Variants in EEFSEC observed in about 807,000 individuals in gnomAD.
The protein encoded by EEFSEC is selenocysteine-specific elongation factor.
In EEFSEC, 43 loss-of-function variants were observed where a neutral mutation model predicts 42.1. That is an observed-to-expected ratio of 1.02 (90% CI 0.80 to 1.32). The LOEUF is 1.32. Ranked by LOEUF, EEFSEC falls within the 40% of genes most tolerant of loss-of-function variation. EEFSEC has a pLI of 0.00. For synonymous variants in EEFSEC, 354 were observed against 339.1 expected, an observed-to-expected ratio of 1.04 and a Z score of -0.48; for missense variants, 745 against 803.6, an observed-to-expected ratio of 0.93 and a Z score of 0.88.
At chr3:128,411,552 G>A (rs556445089), downstream of EEFSEC, among the ~76,000 whole-genome samples, 2 of 152,310 alleles carry the variant, frequency 1.3e-5, no homozygotes, top group East Asian at 3.9e-4. Context: ...TGGGTGGGGT[G>A]GGGCATGGGG....
At chr3:128,210,798 A>G (rs1368788330) in intron 1 of EEFSEC, among the ~76,000 whole-genome samples, 6 of 152,118 alleles carry the variant, frequency 3.9e-5, no homozygotes, top group African/African-American at 1.2e-4. Context: ...CTGATTGCTG[A>G]CCTTTTATCT....
intron 2 of EEFSEC, among the ~76,000 whole-genome samples, chr3:128,250,577 T>C (rs1029958429): frequency 2.6e-5 from 4 of 152,230 alleles, no homozygotes; most frequent in African/African-American, 9.6e-5. Context: ...CTAGGCTTTC[T>C]GTTCTATTCC....
intron 5 of EEFSEC, among the ~76,000 whole-genome samples, chr3:128,347,200 T>A (rs1444089539): frequency 2.6e-5 from 4 of 152,140 alleles, no homozygotes; most frequent in Non-Finnish European, 5.9e-5. Context: ...TACATTTGAT[T>A]TTTTCACATA....
chr3:128,248,678 G>A (rs1011679214), intron 2 of EEFSEC, among the ~76,000 whole-genome samples: 3 of 151,714 alleles, frequency 2.0e-5, no homozygotes, highest in African/African-American at 7.3e-5. Context: ...TTGGACTCCC[G>A]CAAAAAAACC....
At chr3:128,306,074 T>G (rs1368601997) in intron 4 of EEFSEC, among the ~76,000 whole-genome samples, 1 of 152,228 alleles carries the variant, frequency 6.6e-6, no homozygotes, top group Non-Finnish European at 1.5e-5. Flanking sequence ...TTTCCCCTCT[T>G]TGTTTTGTCA....
intron 6 of EEFSEC, among the ~76,000 whole-genome samples, chr3:128,387,564 C>T (rs1046694353): frequency 5.3e-5 from 8 of 152,062 alleles, no homozygotes; most frequent in Admixed American, 1.3e-4. Flanking sequence ...GAACAGATAC[C>T]AGCCTGAATT....
intron 6 of EEFSEC, among the ~76,000 whole-genome samples, chr3:128,404,367 C>T (rs2068084812): frequency 6.6e-6 from 1 of 152,222 alleles, no homozygotes; most frequent in South Asian, 2.1e-4. Context: ...TCCGGCTCTG[C>T]CTGCTCCGGG....
chr3:128,387,817 C>A (rs533025239), intron 6 of EEFSEC, among the ~76,000 whole-genome samples: 5 of 152,308 alleles, frequency 3.3e-5, no homozygotes, highest in African/African-American at 1.2e-4. Flanking sequence ...TGTATGGAGC[C>A]CCGCTTGCAT....
At chr3:128,232,628 A>G (rs2065970365) in intron 1 of EEFSEC, among the ~76,000 whole-genome samples, 1 of 152,280 alleles carries the variant, frequency 6.6e-6, no homozygotes, top group South Asian at 2.1e-4. Flanking sequence ...AGCCTAAAGC[A>G]TGAAATCAAA....
intron 1 of EEFSEC, among the ~76,000 whole-genome samples, chr3:128,211,121 G>C (rs75177586): frequency 0.041 from 6,281 of 152,220 alleles, 431 homozygotes; most frequent in African/African-American, 0.14. Flanking sequence ...AGAGTGTTTT[G>C]GAGGACTAGA....
At chr3:128,192,551 T>C (rs772641474) in intron 1 of EEFSEC, among the ~76,000 whole-genome samples, 5 of 152,220 alleles carry the variant, frequency 3.3e-5, no homozygotes, top group African/African-American at 7.2e-5. Context: ...CTTCCTGGAC[T>C]TCACAAACGT....
chr3:128,210,860 G>T (rs781571666), intron 1 of EEFSEC, among the ~76,000 whole-genome samples: 16 of 152,236 alleles, frequency 1.1e-4, no homozygotes, highest in South Asian at 8.3e-4. Flanking sequence ...CATCAGGCCA[G>T]CTGGGCATCA....
chr3:128,255,624 A>G lies in EEFSEC; in HGVS notation c.525-6504A>G, dbSNP rs72973479. Among the ~76,000 whole-genome samples, 304 of 152,298 alleles carry G rather than the reference A, an allele frequency of 2.0e-3. 1 individual carries two copies. Among genetic ancestry groups the G allele is most frequent in the African/African-American group, 7.0e-3 (290 of 41,568 alleles). On this transcript the variant is annotated intron_variant, in intron 2 of 6. Transcript: ENST00000254730. Reference sequence around the variant, plus strand: ...AGTAAATGTCCTGCACTTAAAAGGGAAGGAGACAGAAGTGACCTTGTAAGA... The same window carrying G: ...AGTAAATGTCCTGCACTTAAAAGGGGAGGAGACAGAAGTGACCTTGTAAGA...
chr3:128,332,661 G>T (rs1243891551), intron 4 of EEFSEC, among the ~76,000 whole-genome samples: 1 of 152,198 alleles, frequency 6.6e-6, no homozygotes, highest in Non-Finnish European at 1.5e-5. Flanking sequence ...ATGTTGGCCA[G>T]GCTGGTCTTG....
At chr3:128,304,047 TTC>T (rs1051345835) in intron 4 of EEFSEC, among the ~76,000 whole-genome samples, 2 of 151,922 alleles carry the variant, frequency 1.3e-5, no homozygotes, top group African/African-American at 4.8e-5. Context: ...AGTGTTTCTT[TTC>T]TTTTTGATTC....
At position 128,223,885 on chromosome 3, in the gene EEFSEC, A is replaced by G. The variant is rs2065883960; in HGVS notation, c.317-22951A>G. 2.7e-5 allele frequency among the ~76,000 whole-genome samples: 2 copies of G among 73,716 alleles called. 1 individual carries two copies. The highest frequency in any genetic ancestry group is 7.2e-4 in the South Asian group (2 of 2,784). The allele number at this position is 73,716 out of a possible 152,430, so 48.4% of individuals were successfully genotyped here. A position where few individuals can be genotyped will look rare whatever the true frequency, so the allele number is the denominator to read the frequency against. ...ATGACATCAAAGATATAAAAACGGGATATTTTGTATTTTGAAAACCTCATT... is the reference window on the plus strand; with the variant it reads ...ATGACATCAAAGATATAAAAACGGGGTATTTTGTATTTTGAAAACCTCATT... On this transcript the variant is annotated intron_variant, in intron 1 of 6. Transcript: ENST00000254730.
intron 1 of EEFSEC, among the ~76,000 whole-genome samples, chr3:128,205,007 G>A (rs533577906): frequency 3.9e-4 from 60 of 152,328 alleles, no homozygotes; most frequent in Non-Finnish European, 8.2e-4. Context: ...TTGTGAAGTT[G>A]TAGGTTATAA....
intron 1 of EEFSEC, among the ~76,000 whole-genome samples, chr3:128,216,500 A>C (rs1004497316): frequency 5.9e-5 from 9 of 151,912 alleles, no homozygotes; most frequent in Non-Finnish European, 1.3e-4. Flanking sequence ...CATACCAGAC[A>C]GCCACAGTGA....
chr3:128,192,560 G>A (rs761147607), intron 1 of EEFSEC, among the ~76,000 whole-genome samples: 1 of 152,230 alleles, frequency 6.6e-6, no homozygotes, highest in Middle Eastern at 3.4e-3. Flanking sequence ...CTTCACAAAC[G>A]TATTTTTATA....
Sources: allele counts gnomAD v4.1 joint callset (sites outside exome capture counted in the v4.1 genomes callset), GRCh38; gene constraint gnomAD v4.1.1; transcripts MANE v1.5; gene names NCBI Gene and HGNC (gene_info 2026-07-23, HGNC 2026-07-21).